The following KLHL11 variants were observed in gnomAD, a reference collection of about 807,000 sequenced individuals.
The protein encoded by KLHL11 is kelch like family member 11.
KLHL11 carries 26 observed loss-of-function variants against 56.1 expected under a neutral mutation model. The ratio of observed to expected loss-of-function variants is 0.46; its 90% CI spans 0.34 to 0.64. KLHL11 has a LOEUF of 0.64. Among genes scored for constraint, KLHL11 ranks in the 30% least tolerant of loss-of-function variants. KLHL11 has a pLI of 0.01. For missense variants in KLHL11, 627 were observed against 919.4 expected (o/e 0.68, Z 4.11); for synonymous variants, 338 against 345.8 (o/e 0.98, Z 0.25).
intron 1 of KLHL11, among the ~76,000 whole-genome samples, chr17:41,860,898 A>G (rs550308897): frequency 1.3e-4 from 20 of 152,288 alleles, no homozygotes; most frequent in African/African-American, 4.8e-4. Context: ...TACTCATTTG[A>G]CATATTCAGA....
intron 1 of KLHL11, among the ~76,000 whole-genome samples, chr17:41,861,184 A>G (rs578130752): frequency 6.6e-6 from 1 of 152,210 alleles, no homozygotes; most frequent in Non-Finnish European, 1.5e-5. Context: ...TTTCACCTGC[A>G]TAACAGGACA....
At chr17:41,860,600 A>G (rs934135898) in intron 1 of KLHL11, among the ~76,000 whole-genome samples, 1 of 152,136 alleles carries the variant, frequency 6.6e-6, no homozygotes, top group Non-Finnish European at 1.5e-5. Context: ...CAAATCTGAC[A>G]AACTCAAGAT....
chr17:41,860,607 A>G (rs1243490282), intron 1 of KLHL11, among the ~76,000 whole-genome samples: 1 of 152,178 alleles, frequency 6.6e-6, no homozygotes, highest in South Asian at 2.1e-4. Context: ...GACAAACTCA[A>G]GATGATATGA....
At position 41,853,672 on chromosome 17, in the gene KLHL11, T is replaced by TA; in HGVS notation, c.*67dup. ...TAAGTTATCGACATACTTTTTTAAA[T>TA]AACAGCCTGGGTATCTTCAGCTTCA... On this transcript the variant is annotated 3_prime_UTR_variant, in exon 2 of 2. Coordinates refer to ENST00000319121, the MANE Select transcript of KLHL11 (RefSeq NM_018143.3). The TA allele has an allele frequency of 1.3e-6, 2 of 1,508,996 alleles. No homozygotes were observed. Among genetic ancestry groups the TA allele is most frequent in the Non-Finnish European group, 1.8e-6 (2 of 1,127,682 alleles). The allele number at this position is 1,508,996 out of a possible 1,614,324, so 93.5% of individuals were successfully genotyped here.
At position 41,855,126 on chromosome 17, in the gene KLHL11, A is replaced by G. The variant is rs782293242; in HGVS notation, c.741T>C (p.His247=). 6.2e-7 allele frequency: 1 copy of G among 1,614,030 alleles called. No homozygotes were observed. ...AATCTGAAAGCCAGTCTCTAATGAG[A>G]TGGAAAGGTAACGTATAAAATTCTT... ...QDEEFYTLPF[H]LIRDWLSDLE... is the part of the protein sequence containing the mutation. The change falls in exon 2 of 2, where the codon CAT becomes CAC. Residue 247 remains histidine (H), a synonymous_variant. Coordinates refer to ENST00000319121, the MANE Select transcript of KLHL11 (RefSeq NM_018143.3).
At chr17:41,856,337 T>G (rs1282601764) in intron 1 of KLHL11, among the ~76,000 whole-genome samples, 2 of 152,054 alleles carry the variant, frequency 1.3e-5, no homozygotes, top group East Asian at 3.9e-4. Flanking sequence ...AGATGGGGTC[T>G]CACTATATTG....
rs1386092647 is a variant in KLHL11 at position 41,849,170 on chromosome 17, A to G, written c.*4570T>C. On this transcript the variant is annotated 3_prime_UTR_variant, in exon 2 of 2. Coordinates refer to ENST00000319121, the MANE Select transcript of KLHL11 (RefSeq NM_018143.3). ...GTTTGAGAGACTGAATTGTTTCTCA[A>G]ATATTTTGCAGTTAAAGCACCCTCT... The G allele has an allele frequency of 1.3e-5, 2 of 152,206 alleles. No homozygotes were observed. Among genetic ancestry groups the G allele is most frequent in the African/African-American group, 4.8e-5 (2 of 41,448 alleles). 9.4% of individuals were successfully genotyped at this position (152,206 alleles called of 1,614,324 possible). A position where few individuals can be genotyped will look rare whatever the true frequency, so the allele number is the denominator to read the frequency against.
intron 1 of KLHL11, among the ~76,000 whole-genome samples, chr17:41,862,584 T>C (rs1265939826): frequency 6.6e-6 from 1 of 151,874 alleles, no homozygotes; most frequent in Non-Finnish European, 1.5e-5. Flanking sequence ...CCGGCCTAAT[T>C]TTTGTATTTT....
At position 41,848,933 on chromosome 17, in the gene KLHL11, C is replaced by T. The variant is rs1555621814; in HGVS notation, c.*4807G>A. Reference sequence around the variant, plus strand: ...TCACTGAGTAAGATAAAAAGCCCTACAAGTGTAATAAACAAACCGCAGTGA... The same window carrying T: ...TCACTGAGTAAGATAAAAAGCCCTATAAGTGTAATAAACAAACCGCAGTGA... On this transcript the variant is annotated 3_prime_UTR_variant, in exon 2 of 2. Transcript: ENST00000319121. The T allele has an allele frequency of 1.3e-5, 2 of 152,372 alleles. No homozygotes were observed. Among genetic ancestry groups the T allele is most frequent in the African/African-American group, 4.8e-5 (2 of 41,458 alleles). 9.4% of individuals were successfully genotyped at this position (152,372 alleles called of 1,614,324 possible).
At position 41,853,502 on chromosome 17, in the gene KLHL11, G is replaced by C. The variant is rs1465144182; in HGVS notation, c.*238C>G. 2 of 415,304 alleles carry C rather than the reference G, an allele frequency of 4.8e-6. No individual in the cohort carries two copies. The highest frequency in any genetic ancestry group is 4.1e-5 in the Admixed American group (1 of 24,314). 25.7% of individuals were successfully genotyped at this position (415,304 alleles called of 1,614,324 possible). The stretch of plus-strand genomic sequence containing the variant: ...TGATTTTTCCACTTGTCCTTAATAA[G>C]ATCTTATTTAGCTAGCACAAACAAA... On this transcript the variant is annotated 3_prime_UTR_variant, in exon 2 of 2. Transcript: ENST00000319121.
chr17:41,860,201 G>C (rs1447740341), intron 1 of KLHL11, among the ~76,000 whole-genome samples: 1 of 152,100 alleles, frequency 6.6e-6, no homozygotes, highest in African/African-American at 2.4e-5. Flanking sequence ...TGGGCTCCTA[G>C]TTTTAGCAGG....
At chr17:41,864,073 G>A (rs189533384) in intron 1 of KLHL11, among the ~76,000 whole-genome samples, 1 of 152,274 alleles carries the variant, frequency 6.6e-6, no homozygotes, top group East Asian at 1.9e-4. Context: ...GAGCTGATGC[G>A]TAATAGGCGC....
intron 1 of KLHL11, among the ~76,000 whole-genome samples, chr17:41,855,973 G>C (rs2048362888): frequency 6.8e-6 from 1 of 146,510 alleles, no homozygotes. Context: ...GCCATGCCCG[G>C]CCTACACCAT....
intron 1 of KLHL11, among the ~76,000 whole-genome samples, chr17:41,857,135 G>T (rs1224279871): frequency 7.2e-5 from 11 of 152,022 alleles, no homozygotes; most frequent in Admixed American, 6.6e-4. Flanking sequence ...GTTCAAGGCT[G>T]CAGTAAGCTA....
chr17:41,858,408 T>TTTGTTGTTG (rs1172871961), intron 1 of KLHL11, among the ~76,000 whole-genome samples: 4 of 143,960 alleles, frequency 2.8e-5, no homozygotes, highest in Non-Finnish European at 6.1e-5. Flanking sequence ...ATATATATTT[T>TTTGTTGTTG]TTGTTGTTGT....
In KLHL11 at chr17:41,856,093, C is replaced by CA. The variant is rs1406704545; in HGVS notation, c.546-773dup. On this transcript the variant is annotated intron_variant, in intron 1 of 1. Transcript: ENST00000319121. Reference sequence around the variant, plus strand: ...GCGACACCCTTCTCCCAGGCTCATGCAATTCTCCTTCCTCAGCCTCCCAAG... The same window carrying CA: ...GCGACACCCTTCTCCCAGGCTCATGCAAATTCTCCTTCCTCAGCCTCCCAAG... Among the ~76,000 whole-genome samples the CA allele has an allele frequency of 5.3e-5, 8 of 151,938 alleles. No homozygotes were observed. The East Asian group carries it at 1.5e-3, about 29-fold the overall frequency.
Position 41,865,004 on chromosome 17 carries a change from T to G in KLHL11, c.367A>C (p.Thr123Pro). The G allele has an allele frequency of 6.2e-7, 1 of 1,604,120 alleles. No individual in the cohort carries two copies. Among genetic ancestry groups the G allele is most frequent in the Non-Finnish European group, 8.5e-7 (1 of 1,174,784 alleles). The change falls in exon 1 of 2, where the codon ACG (threonine) becomes CCG (proline). Residue 123 changes from threonine to proline, a missense_variant. Around this residue, in one of 4 missense-constraint regions of KLHL11, gnomAD observed 150 missense variants for 215.7 expected, o/e 0.70. Coordinates refer to ENST00000319121, the MANE Select transcript of KLHL11 (RefSeq NM_018143.3). Reference sequence around the variant, plus strand: ...GAAAACTGGCCCGAGAGCAGGGGCGTGAAGTACTCGGTGGCGGCAGCCAGT... The same window carrying G: ...GAAAACTGGCCCGAGAGCAGGGGCGGGAAGTACTCGGTGGCGGCAGCCAGT... ...SVLAAATEYF[T>P]PLLSGQFSES...
Position 41,864,996 on chromosome 17 carries a change from C to A in KLHL11, c.375G>T (p.Leu125=). ...GGGACTCGGAAAACTGGCCCGAGAG[C>A]AGGGGCGTGAAGTACTCGGTGGCGG... ...LAAATEYFTP[L]LSGQFSESRS... The change falls in exon 1 of 2, where the codon CTG becomes CTT. Residue 125 remains leucine (L), a synonymous_variant. Coordinates refer to ENST00000319121, the MANE Select transcript of KLHL11 (RefSeq NM_018143.3). The A allele has an allele frequency of 6.2e-7, 1 of 1,608,622 alleles. No individual in the cohort carries two copies. Among genetic ancestry groups the A allele is most frequent in the Non-Finnish European group, 8.5e-7 (1 of 1,177,626 alleles).
chr17:41,855,386 T>G, intron 1 of KLHL11, 65 bp from the exon 2 acceptor site: 1 of 1,304,540 alleles, frequency 7.7e-7, no homozygotes, highest in Non-Finnish European at 1.0e-6. Context: ...GGTTACTTTT[T>G]TCTTTTTTTT....
Sources: gnomAD v4.1 joint callset for allele counts (sites outside exome capture counted in the v4.1 genomes callset) on GRCh38, gnomAD v4.1.1 for gene constraint, gnomAD v4.1.1 regional missense constraint, MANE v1.5 for transcripts, NCBI Gene and HGNC (gene_info 2026-07-23, HGNC 2026-07-21) for gene names.